CAMSAP3: variants seen among roughly 807,000 people sequenced by gnomAD.
CAMSAP3 encodes the protein calmodulin regulated spectrin associated protein family member 3, also known as calmodulin-regulated spectrin-associated protein 3.
CAMSAP3 carries 34 observed loss-of-function variants against 112.5 expected under a neutral mutation model. The observed-to-expected ratio is 0.30, with a 90% CI of 0.23 to 0.40. The LOEUF is 0.40. Among genes scored for constraint, CAMSAP3 ranks in the 10% least tolerant of loss-of-function variants. CAMSAP3 has a pLI of 1.00. For synonymous variants in CAMSAP3, 868 were observed against 799.8 expected, an observed-to-expected ratio of 1.09 and a Z score of -1.44; for missense variants, 1,602 against 1,770.3, an observed-to-expected ratio of 0.90 and a Z score of 1.71.
At chr19:7,616,475 G>A (rs1405464851) in intron 13 of CAMSAP3, 48 bp from the exon 14 acceptor site, 6 of 1,334,058 alleles carry the variant, frequency 4.5e-6, no homozygotes, top group Non-Finnish European at 4.3e-6. Context: ...GGGTGTTGTG[G>A]AGGGCAGGGG....
At chr19:7,614,440 G>A (rs1406924490) in intron 11 of CAMSAP3, among the ~76,000 whole-genome samples, 3 of 150,424 alleles carry the variant, frequency 2.0e-5, no homozygotes, top group African/African-American at 7.3e-5. Context: ...TCCACCTCCT[G>A]GGTTTAAGTG....
rs1015505696 is a variant in CAMSAP3 at position 7,607,993 on chromosome 19, C to G, written c.622-133C>G. ...CCCTCCCCTGCTCCAGGCTGGCCCCCCAACTCTGTCTCTGGGACCCCCAGC... is the reference window on the plus strand; with the variant it reads ...CCCTCCCCTGCTCCAGGCTGGCCCCGCAACTCTGTCTCTGGGACCCCCAGC... On this transcript the variant is annotated intron_variant, in intron 4 of 16. Coordinates refer to ENST00000160298, the MANE Select transcript of CAMSAP3 (RefSeq NM_020902.2). The surrounding 1 kb of genome is among the most constrained non-coding windows in gnomAD (Gnocchi z 4.9). 8.8e-7 allele frequency: 1 copy of G among 1,141,416 alleles called. No homozygotes were observed. The highest frequency in any genetic ancestry group is 1.3e-6 in the Non-Finnish European group (1 of 785,298). 70.7% of individuals were successfully genotyped at this position (1,141,416 alleles called of 1,614,324 possible). A position where few individuals can be genotyped will look rare whatever the true frequency, so the allele number is the denominator to read the frequency against.
chr19:7,606,213 G>T, intron 2 of CAMSAP3, 58 bp from the exon 3 acceptor site: 1 of 1,598,986 alleles, frequency 6.3e-7, no homozygotes, highest in Non-Finnish European at 8.5e-7. Context: ...GGCCCTTGGG[G>T]GCCGAGGTGC....
In CAMSAP3 at chr19:7,610,815, G is replaced by T. The variant is rs1244210355; in HGVS notation, c.994+22G>T. The stretch of plus-strand genomic sequence containing the variant: ...CACGGTGAGGCCCTGGGGGCCTGGG[G>T]GCCGGGTCGGGGGCGGGTGGGAGAG... On this transcript the variant is annotated intron_variant, in intron 7 of 16. Transcript: ENST00000160298. This position sits in a 1 kb window ranked among gnomAD's most constrained non-coding sequence, Gnocchi z 4.9. The T allele has an allele frequency of 6.2e-7, 1 of 1,611,442 alleles. No individual in the cohort carries two copies. The highest frequency in any genetic ancestry group is 1.3e-5 in the African/African-American group (1 of 74,898).
At position 7,607,898 on chromosome 19, in the gene CAMSAP3, G is replaced by A; in HGVS notation, c.622-228G>A. ...TGTATCCCCCGCCCCGGGGTCCCAGGAGTCCCTGTCCCCAGCCCCCGCTGC... is the reference window on the plus strand; with the variant it reads ...TGTATCCCCCGCCCCGGGGTCCCAGAAGTCCCTGTCCCCAGCCCCCGCTGC... On this transcript the variant is annotated intron_variant, in intron 4 of 16. Coordinates refer to ENST00000160298, the MANE Select transcript of CAMSAP3 (RefSeq NM_020902.2). This position sits in a 1 kb window ranked among gnomAD's most constrained non-coding sequence, Gnocchi z 4.9. 1.1e-6 allele frequency: 1 copy of A among 907,218 alleles called. No individual in the cohort carries two copies. The highest frequency in any genetic ancestry group is 1.8e-6 in the Non-Finnish European group (1 of 566,370). 56.2% of individuals were successfully genotyped at this position (907,218 alleles called of 1,614,324 possible).
intron 14 of CAMSAP3, among the ~76,000 whole-genome samples, chr19:7,616,907 G>A (rs1483423126): frequency 1.4e-5 from 2 of 146,442 alleles, no homozygotes; most frequent in Admixed American, 1.4e-4. Flanking sequence ...AGTGTATACC[G>A]CCTCCTCTGC....
chr19:7,607,786 C>T lies in CAMSAP3; in HGVS notation c.622-340C>T. 3 of 884,558 alleles carry T rather than the reference C, an allele frequency of 3.4e-6. No homozygotes were observed. The highest frequency in any genetic ancestry group is 5.2e-6 in the Non-Finnish European group (3 of 578,348). The allele number at this position is 884,558 out of a possible 1,614,324, so 54.8% of individuals were successfully genotyped here. A position where few individuals can be genotyped will look rare whatever the true frequency, so the allele number is the denominator to read the frequency against. On this transcript the variant is annotated intron_variant, in intron 4 of 16. Coordinates refer to ENST00000160298, the MANE Select transcript of CAMSAP3 (RefSeq NM_020902.2). The surrounding 1 kb of genome is among the most constrained non-coding windows in gnomAD (Gnocchi z 4.9). ...TTGGGGGCCCAGCAGGTCAGCACCCCTCCCCCTTGCTGATGGCTGCTCCTC... is the reference window on the plus strand; with the variant it reads ...TTGGGGGCCCAGCAGGTCAGCACCCTTCCCCCTTGCTGATGGCTGCTCCTC...
Position 7,610,103 on chromosome 19 carries a change from A to G in CAMSAP3, c.761-373A>G, listed in dbSNP as rs1355523365. Among the ~76,000 whole-genome samples, 2 of 152,034 alleles carry G rather than the reference A, an allele frequency of 1.3e-5. No individual in the cohort carries two copies. The highest frequency in any genetic ancestry group is 2.1e-4 in the South Asian group (1 of 4,824). ...GGTGGCTGAGGCGGCCGGATCATGA[A>G]GTCAGGAGATCGAGACCATCCTGGC... is the stretch of plus-strand genomic sequence containing the variant. On this transcript the variant is annotated intron_variant, in intron 5 of 16. Transcript: ENST00000160298. The surrounding 1 kb of genome is among the most constrained non-coding windows in gnomAD (Gnocchi z 4.9).
intron 13 of CAMSAP3, among the ~76,000 whole-genome samples, chr19:7,616,128 G>A (rs1269123019): frequency 2.0e-5 from 3 of 151,398 alleles, no homozygotes; most frequent in Non-Finnish European, 2.9e-5. Context: ...TGGAGGTTGC[G>A]GTGAGCCAAG....
rs777181433 is a variant in CAMSAP3 at position 7,611,109 on chromosome 19, C to T, written c.1064C>T (p.Thr355Ile). 1 of 1,613,778 alleles carries T rather than the reference C, an allele frequency of 6.2e-7. No homozygotes were observed. Among genetic ancestry groups the T allele is most frequent in the Non-Finnish European group, 8.5e-7 (1 of 1,179,966 alleles). Reference sequence around the variant, plus strand: ...TCTCCGTACAGTTCTCCTGTCTTCACCTTCCGCCACCCGCTTCTGTCATCT... The same window carrying T: ...TCTCCGTACAGTTCTCCTGTCTTCATCTTCCGCCACCCGCTTCTGTCATCT... ...NNSGSSSPVF[T>I]FRHPLLSSGG... The change falls in exon 9 of 17, where the codon ACC becomes ATC. Residue 355 changes from threonine to isoleucine, a missense_variant. This residue lies in a region of CAMSAP3 where 1,100 missense variants were observed against 1,135.7 expected (regional missense o/e 0.97). Coordinates refer to ENST00000160298, the MANE Select transcript of CAMSAP3 (RefSeq NM_020902.2). The surrounding 1 kb of genome is among the most constrained non-coding windows in gnomAD (Gnocchi z 6.9).
chr19:7,611,994 C>G lies in CAMSAP3; in HGVS notation c.1501C>G (p.Leu501Val), dbSNP rs2030517984. The G allele has an allele frequency of 6.2e-7, 1 of 1,612,676 alleles. No homozygotes were observed. The highest frequency in any genetic ancestry group is 1.7e-4 in the Middle Eastern group (1 of 6,054). ...PSKPSLASPYLPEGTSKPLSD... is the reference protein window; with the variant it reads ...PSKPSLASPYVPEGTSKPLSD... ...CAAGCCATCCCTGGCCTCCCCCTAC[C>G]TGCCCGAGGGGACCTCCAAACCACT... Residue 501 changes from leucine to valine, a missense_variant, in exon 11 of 17, where the codon CTG becomes GTG. Physicochemically the swap from Leu to Val is conservative, Grantham distance 32. Around this residue, in one of 6 missense-constraint regions of CAMSAP3, gnomAD observed 1,100 missense variants for 1,135.7 expected, o/e 0.97. Coordinates refer to ENST00000160298, the MANE Select transcript of CAMSAP3 (RefSeq NM_020902.2). This position sits in a 1 kb window ranked among gnomAD's most constrained non-coding sequence, Gnocchi z 6.9.
rs549122093 is a variant in CAMSAP3 at position 7,607,937 on chromosome 19, C to T, written c.622-189C>T. The stretch of plus-strand genomic sequence containing the variant: ...AGCCCCCGCTGCTGGCCTGGCTGCT[C>T]GAAGACATCTCCTCTGCCTCTTGCT... On this transcript the variant is annotated intron_variant, in intron 4 of 16. Transcript: ENST00000160298. This position sits in a 1 kb window ranked among gnomAD's most constrained non-coding sequence, Gnocchi z 4.9. 96 of 841,286 alleles carry T rather than the reference C, an allele frequency of 1.1e-4. 1 individual carries two copies. The East Asian group carries it at 1.9e-3, about 17-fold the overall frequency. The allele number at this position is 841,286 out of a possible 1,614,324, so 52.1% of individuals were successfully genotyped here. A position where few individuals can be genotyped will look rare whatever the true frequency, so the allele number is the denominator to read the frequency against.
At chr19:7,606,160 C>CCA (rs1245796616) in intron 2 of CAMSAP3, 111 bp from the exon 3 acceptor site, 4 of 671,502 alleles carry the variant, frequency 6.0e-6, no homozygotes, top group African/African-American at 1.8e-5. Context: ...AGCCCCACCC[C>CCA]CCCCGTCAAG....
Position 7,611,582 on chromosome 19 carries a change from C to G in CAMSAP3, c.1189C>G (p.Leu397Val). ...EALGKAWNRQLSRPLSQAVSF... is the reference protein window; with the variant it reads ...EALGKAWNRQVSRPLSQAVSF... ...CCTGGGCAAGGCCTGGAACCGGCAG[C>G]TCAGGTGAGTAGACCTCACAGGCCA... The change falls in exon 10 of 17, where the codon CTC becomes GTC. Residue 397 changes from leucine (L) to valine (V), a missense_variant. Leu to Val is a conservative substitution (Grantham distance 32). Coordinates refer to ENST00000160298, the MANE Select transcript of CAMSAP3 (RefSeq NM_020902.2). The surrounding 1 kb of genome is among the most constrained non-coding windows in gnomAD (Gnocchi z 6.9). The G allele has an allele frequency of 6.2e-7, 1 of 1,612,294 alleles. No individual in the cohort carries two copies.
intron 11 of CAMSAP3, among the ~76,000 whole-genome samples, chr19:7,614,456 CTT>C (rs948441642): frequency 3.3e-5 from 5 of 150,754 alleles, no homozygotes; most frequent in African/African-American, 4.9e-5. Context: ...AAGTGATTCT[CTT>C]GTCTCACCCT....
chr19:7,610,895 C>T lies in CAMSAP3; in HGVS notation c.1013C>T (p.Thr338Ile), dbSNP rs750119328. 1.9e-6 allele frequency: 3 copies of T among 1,592,942 alleles called. No homozygotes were observed. Among genetic ancestry groups the T allele is most frequent in the Non-Finnish European group, 2.6e-6 (3 of 1,169,658 alleles). ...ACTGCAGCTGCCTCCCCCCGGGGCA[C>T]TGAGGCCTCCCCACCTCAGAACAAC... Reference protein sequence around the residue: ...PDGHAASPRGTEASPPQNNSG... With the variant: ...PDGHAASPRGIEASPPQNNSG... Residue 338 changes from threonine to isoleucine, a missense_variant, in exon 8 of 17, where the codon ACT becomes ATT. Thr to Ile is a moderately conservative substitution (Grantham distance 89). Around this residue, in one of 6 missense-constraint regions of CAMSAP3, gnomAD observed 1,100 missense variants for 1,135.7 expected, o/e 0.97. Transcript: ENST00000160298. This position sits in a 1 kb window ranked among gnomAD's most constrained non-coding sequence, Gnocchi z 4.9.
At chr19:7,606,140 C>CCCCCCCCCCAA in intron 2 of CAMSAP3, 131 bp from the exon 3 acceptor site, 1 of 451,834 alleles carries the variant, frequency 2.2e-6, no homozygotes, top group Admixed American at 3.4e-5. Flanking sequence ...CCACTGGCCC[C>CCCCCCCCCCAA]GCCCCCTCAA....
At chr19:7,603,495 A>G (rs1304007596) in intron 1 of CAMSAP3, among the ~76,000 whole-genome samples, 1 of 151,982 alleles carries the variant, frequency 6.6e-6, no homozygotes, top group Non-Finnish European at 1.5e-5. Context: ...GATTACAGGC[A>G]TGAGTCACTG....
intron 1 of CAMSAP3, among the ~76,000 whole-genome samples, chr19:7,598,600 C>T (rs897799423): frequency 6.6e-6 from 1 of 152,050 alleles, no homozygotes; most frequent in Non-Finnish European, 1.5e-5. Context: ...CAAGCCTGGC[C>T]AACACGATGA....
Sources: gnomAD v4.1 joint callset for allele counts (sites outside exome capture counted in the v4.1 genomes callset) on GRCh38, gnomAD v4.1.1 for gene constraint, gnomAD v4.1.1 regional missense constraint, Gnocchi (gnomAD v3.1) non-coding constraint, MANE v1.5 for transcripts, NCBI Gene and HGNC (gene_info 2026-07-23, HGNC 2026-07-21) for gene names.